The following GRK3 variants were observed in gnomAD, a reference collection of about 807,000 sequenced individuals.
GRK3 encodes G protein-coupled receptor kinase 3.
A neutral mutation model predicts 95.7 loss-of-function variants in GRK3; 54 were observed. That is an observed-to-expected ratio of 0.56 (90% CI 0.45 to 0.71). The LOEUF (loss-of-function observed/expected upper bound fraction) is 0.71. Ranked by LOEUF, GRK3 falls within the 30% of genes least tolerant of loss-of-function variation. GRK3 has a pLI of 0.00. For missense variants in GRK3, 649 were observed against 851.2 expected (o/e 0.76, Z 2.96); for synonymous variants, 281 against 290.8 (o/e 0.97, Z 0.34).
At chr22:25,714,806 T>G (rs1039536105) in intron 18 of GRK3, among the ~76,000 whole-genome samples, 1 of 152,124 alleles carries the variant, frequency 6.6e-6, no homozygotes, top group East Asian at 1.9e-4. Flanking sequence ...GTATGCCCTT[T>G]TATCTTGGAG....
Position 25,726,966 on chromosome 22 carries a change from A to G in GRK3, c.*4516A>G. 7.0e-6 allele frequency: 1 copy of G among 142,436 alleles called. No homozygotes were observed. Among genetic ancestry groups the G allele is most frequent in the Non-Finnish European group, 1.5e-5 (1 of 66,554 alleles). The allele number at this position is 142,436 out of a possible 1,614,324, so 8.8% of individuals were successfully genotyped here. A position where few individuals can be genotyped will look rare whatever the true frequency, so the allele number is the denominator to read the frequency against. On this transcript the variant is annotated 3_prime_UTR_variant, in exon 21 of 21. Coordinates refer to ENST00000324198, the MANE Select transcript of GRK3 (RefSeq NM_005160.4). Reference sequence around the variant, plus strand: ...GTGTGTGTGTGTGTGTGCACTTTGCAGCCCCCGAGGTGGAGAGGCAGTGTC... The same window carrying G: ...GTGTGTGTGTGTGTGTGCACTTTGCGGCCCCCGAGGTGGAGAGGCAGTGTC...
intron 2 of GRK3, among the ~76,000 whole-genome samples, chr22:25,612,069 G>A (rs2146347960): frequency 6.6e-6 from 1 of 152,124 alleles, no homozygotes; most frequent in East Asian, 1.9e-4. Context: ...TTGAGCTCAG[G>A]CAATCCACCC....
chr22:25,597,851 A>G (rs1212709009), intron 1 of GRK3, among the ~76,000 whole-genome samples: 2 of 152,240 alleles, frequency 1.3e-5, no homozygotes, highest in East Asian at 3.9e-4. Context: ...CAAACCTGCC[A>G]ACCTGGGATC....
intron 2 of GRK3, among the ~76,000 whole-genome samples, chr22:25,625,906 A>G (rs1307800726): frequency 6.6e-6 from 1 of 152,068 alleles, no homozygotes; most frequent in Non-Finnish European, 1.5e-5. Flanking sequence ...CTTACCTATC[A>G]TTGGAGATGA....
chr22:25,674,355 T>C, intron 7 of GRK3, 82 bp from the exon 8 acceptor site: 6 of 1,096,796 alleles, frequency 5.5e-6, no homozygotes, highest in Non-Finnish European at 8.2e-6. Flanking sequence ...TTAATTACTG[T>C]CTATGTTTTG....
At chr22:25,644,166 A>G (rs1470753718) in intron 2 of GRK3, among the ~76,000 whole-genome samples, 6 of 141,340 alleles carry the variant, frequency 4.2e-5, no homozygotes, top group South Asian at 2.3e-4. Context: ...TTTTTTTTTT[A>G]GGGAGTTTGG....
chr22:25,677,903 C>G (rs1221134600), intron 8 of GRK3, among the ~76,000 whole-genome samples: 1 of 152,198 alleles, frequency 6.6e-6, no homozygotes, highest in East Asian at 1.9e-4. Flanking sequence ...TCTGCATTTT[C>G]TAAATATGAG....
chr22:25,715,786 A>C (rs1447114779), intron 18 of GRK3, among the ~76,000 whole-genome samples: 1 of 152,168 alleles, frequency 6.6e-6, no homozygotes, highest in Non-Finnish European at 1.5e-5. Flanking sequence ...CTTTCACTCT[A>C]TTAATAGGTT....
rs536576416 is a variant in GRK3 at position 25,671,319 on chromosome 22, G to A, written c.504-977G>A. On this transcript the variant is annotated intron_variant, in intron 6 of 20. Transcript: ENST00000324198. ...GGCGCCACTGCACTTCAGCCTGGGC[G>A]ACAGAGTGAGACTCCGTCTCAAAGC... Among the ~76,000 whole-genome samples the A allele has an allele frequency of 1.7e-4, 26 of 152,338 alleles. No individual in the cohort carries two copies. The East Asian group carries it at 2.7e-3, about 16-fold the overall frequency.
At chr22:25,605,763 C>T (rs5761140) in intron 2 of GRK3, among the ~76,000 whole-genome samples, 1 of 152,176 alleles carries the variant, frequency 6.6e-6, no homozygotes, top group Non-Finnish European at 1.5e-5. Flanking sequence ...CCGGCAACCA[C>T]GAATTGAGTT....
chr22:25,607,597 G>T (rs1387529338), intron 2 of GRK3, among the ~76,000 whole-genome samples: 1 of 151,630 alleles, frequency 6.6e-6, no homozygotes, highest in Admixed American at 6.6e-5. Flanking sequence ...TATTTTTTGG[G>T]ACAGAGTCTT....
intron 13 of GRK3, 90 bp from the exon 14 acceptor site, chr22:25,703,420 G>C: frequency 2.2e-6 from 2 of 913,098 alleles, no homozygotes; most frequent in South Asian, 3.1e-5. Context: ...AATAGTGATA[G>C]GACATCATAC....
chr22:25,693,121 A>C (rs931823392), intron 12 of GRK3, among the ~76,000 whole-genome samples: 3 of 152,224 alleles, frequency 2.0e-5, no homozygotes, highest in African/African-American at 7.2e-5. Context: ...GCAGATTGTC[A>C]GTGACTAATT....
intron 1 of GRK3, among the ~76,000 whole-genome samples, chr22:25,602,110 A>C (rs2084413350): frequency 6.6e-6 from 1 of 152,228 alleles, no homozygotes; most frequent in Non-Finnish European, 1.5e-5. Context: ...CTAAATAAAG[A>C]AGTTGTACAA....
In GRK3 at chr22:25,651,843, T is replaced by C. The variant is rs1191862303; in HGVS notation, c.264+7178T>C. On this transcript the variant is annotated intron_variant, in intron 3 of 20. Coordinates refer to ENST00000324198, the MANE Select transcript of GRK3 (RefSeq NM_005160.4). The stretch of plus-strand genomic sequence containing the variant: ...AGAAAAATAAACAACTTTGTACATT[T>C]GAAGAGTTTTTCCAACAGCTTTTCG... Among the ~76,000 whole-genome samples the C allele has an allele frequency of 4.6e-5, 7 of 152,344 alleles. No individual in the cohort carries two copies. The East Asian group carries it at 9.6e-4, about 21-fold the overall frequency.
At chr22:25,604,022 C>T (rs527565371) in intron 1 of GRK3, among the ~76,000 whole-genome samples, 61 of 152,136 alleles carry the variant, frequency 4.0e-4, no homozygotes, top group African/African-American at 1.4e-3. Context: ...GGGGCACAGG[C>T]ATGTGTGGTG....
chr22:25,672,460 C>T lies in GRK3; in HGVS notation c.555+113C>T. On this transcript the variant is annotated intron_variant, in intron 7 of 20. Transcript: ENST00000324198. The stretch of plus-strand genomic sequence containing the variant: ...ACTCCCAGAGGGTCCACTGCCCAAA[C>T]AGATGTCTGTCTTACAGCTTTAAGT... The T allele has an allele frequency of 6.2e-6, 4 of 648,954 alleles. No individual in the cohort carries two copies. In the South Asian group the frequency reaches 7.1e-5, roughly 12 times the overall value. The allele number at this position is 648,954 out of a possible 1,614,324, so 40.2% of individuals were successfully genotyped here.
Position 25,721,301 on chromosome 22 carries a change from G to T in GRK3, c.1809G>T (p.Met603Ile). ...EGESRQNLLT[M>I]EQILSVEETQ... is the part of the protein sequence containing the mutation. Reference sequence around the variant, plus strand: ...ATGGTTAGCAAAATTTACTGACAATGGAACAGATTCTCTCTGTGGAAGAAA... The same window carrying T: ...ATGGTTAGCAAAATTTACTGACAATTGAACAGATTCTCTCTGTGGAAGAAA... Residue 603 changes from methionine to isoleucine, a missense_variant, in exon 20 of 21, where the codon ATG (methionine) becomes ATT (isoleucine). Physicochemically the swap from Met to Ile is conservative, Grantham distance 10. Transcript: ENST00000324198. 6.3e-7 allele frequency: 1 copy of T among 1,580,142 alleles called. No homozygotes were observed. The highest frequency in any genetic ancestry group is 8.6e-7 in the Non-Finnish European group (1 of 1,162,026).
At chr22:25,713,056 G>A (rs2085356578) in intron 17 of GRK3, among the ~76,000 whole-genome samples, 1 of 152,224 alleles carries the variant, frequency 6.6e-6, no homozygotes, top group Non-Finnish European at 1.5e-5. Context: ...TTTTCAGCAA[G>A]GTGGGCTCAG....
Sources: allele counts gnomAD v4.1 joint callset (sites outside exome capture counted in the v4.1 genomes callset), GRCh38; gene constraint gnomAD v4.1.1; transcripts MANE v1.5; gene names NCBI Gene and HGNC (gene_info 2026-07-23, HGNC 2026-07-21).